CREB5: variants seen among roughly 807,000 people sequenced by gnomAD.
CREB5 encodes the protein cyclic AMP-responsive element-binding protein 5.
In CREB5, 19 loss-of-function variants were observed where a neutral mutation model predicts 57.1. The ratio of observed to expected loss-of-function variants is 0.33; its 90% CI spans 0.23 to 0.49. The LOEUF is 0.49. Ranked by LOEUF, CREB5 falls within the 20% of genes least tolerant of loss-of-function variation. The probability of loss-of-function intolerance (pLI) is 0.99; values close to 1 mark genes in which losing one functional copy is unlikely to be tolerated. For synonymous variants in CREB5, 238 were observed against 238.3 expected (o/e 1.00, Z 0.01); for missense variants, 579 against 671.6 (o/e 0.86, Z 1.52).
At chr7:28,431,847 G>A (rs1788724738) in intron 1 of CREB5, among the ~76,000 whole-genome samples, 1 of 152,136 alleles carries the variant, frequency 6.6e-6, no homozygotes, top group Non-Finnish European at 1.5e-5. Flanking sequence ...TGGACAAGGG[G>A]CAAGTGTGAC....
At chr7:28,550,773 T>C (rs748298519) in intron 4 of CREB5, among the ~76,000 whole-genome samples, 1 of 152,222 alleles carries the variant, frequency 6.6e-6, no homozygotes, top group Non-Finnish European at 1.5e-5. Flanking sequence ...CACTGTAACA[T>C]TGTGGTGAAT....
chr7:28,441,759 T>G (rs1374178250), intron 1 of CREB5, among the ~76,000 whole-genome samples: 1 of 152,210 alleles, frequency 6.6e-6, no homozygotes, highest in Non-Finnish European at 1.5e-5. Flanking sequence ...TTGCTCAAAG[T>G]CTTATAGTTT....
At chr7:28,430,763 A>T (rs547453952) in intron 1 of CREB5, among the ~76,000 whole-genome samples, 1 of 152,328 alleles carries the variant, frequency 6.6e-6, no homozygotes, top group Admixed American at 6.5e-5. Context: ...CATTAGCATC[A>T]TCCCCCTAAC....
At chr7:28,642,464 A>G (rs10228740) in intron 5 of CREB5, among the ~76,000 whole-genome samples, 30,404 of 152,170 alleles carry the variant, frequency 0.2, 3,195 homozygotes, top group Admixed American at 0.25. Context: ...CAACAGAATC[A>G]TGCATTTACC....
chr7:28,670,910 G>T (rs1184830936), intron 5 of CREB5, among the ~76,000 whole-genome samples: 1 of 152,102 alleles, frequency 6.6e-6, no homozygotes, highest in Non-Finnish European at 1.5e-5. Context: ...TGCCTAGGCT[G>T]GTCTCGAACT....
rs1020223318 is a variant in CREB5, at chr7:28,820,419, T to A, written c.*1140T>A. ...CTGCTAATAGCCTAAGATTTATTTT[T>A]TTTTTTTTCTTAAGCCTATGGAACC... On this transcript the variant is annotated 3_prime_UTR_variant, in exon 11 of 11. Transcript: ENST00000357727. 2 of 151,958 alleles carry A rather than the reference T, an allele frequency of 1.3e-5. No individual in the cohort carries two copies. The allele number at this position is 151,958 out of a possible 1,614,324, so 9.4% of individuals were successfully genotyped here.
intron 5 of CREB5, among the ~76,000 whole-genome samples, chr7:28,617,655 G>A (rs934188959): frequency 1.4e-4 from 22 of 152,158 alleles, no homozygotes; most frequent in Admixed American, 4.6e-4. Context: ...AGAAGGTGCT[G>A]TTCTCCTAGC....
intron 7 of CREB5, 61 bp downstream of exon 7, chr7:28,724,393 C>T (rs777190791): frequency 1.4e-6 from 2 of 1,430,886 alleles, no homozygotes; most frequent in Admixed American, 1.8e-5. Context: ...GAATTTTACT[C>T]TGACTCCAAA....
At chr7:28,487,511 T>G (rs2128593640) in intron 1 of CREB5, among the ~76,000 whole-genome samples, 2 of 152,358 alleles carry the variant, frequency 1.3e-5, no homozygotes, top group East Asian at 3.9e-4. Flanking sequence ...ACGTTATGTT[T>G]TTGGCATTTT....
At chr7:28,592,748 C>T (rs898202073) in intron 5 of CREB5, among the ~76,000 whole-genome samples, 6 of 152,152 alleles carry the variant, frequency 3.9e-5, no homozygotes, top group African/African-American at 1.4e-4. Flanking sequence ...AAGTGAGAGG[C>T]TGAGATAACA....
At chr7:28,305,847 A>C (rs764341851) in intron 1 of CREB5, among the ~76,000 whole-genome samples, 11 of 152,282 alleles carry the variant, frequency 7.2e-5, no homozygotes, top group Non-Finnish European at 1.5e-4. Context: ...AGAAGTATAT[A>C]AAGTTTGCCC....
chr7:28,334,469 A>G lies in CREB5; in HGVS notation c.-25+35028A>G, dbSNP rs1278641410. 2.0e-5 allele frequency among the ~76,000 whole-genome samples: 3 copies of G among 152,112 alleles called. No homozygotes were observed. In the East Asian group the frequency reaches 5.8e-4, roughly 29 times the overall value. On this transcript the variant is annotated intron_variant, in intron 1 of 9. Transcript: ENST00000396299. ...ACCATGCCCAGCTAACCACCTTTTT[A>G]TATAGCTGTTTGCCATTTGTATGTC...
intron 5 of CREB5, among the ~76,000 whole-genome samples, chr7:28,700,884 G>A (rs1801819577): frequency 6.6e-6 from 1 of 151,530 alleles, no homozygotes; most frequent in South Asian, 2.1e-4. Flanking sequence ...CCAGCTAGAT[G>A]GTCATTTTCT....
chr7:28,560,995 C>CGTGTGTGTG (rs1562798331), intron 4 of CREB5, among the ~76,000 whole-genome samples: 1 of 27,346 alleles, frequency 3.7e-5, no homozygotes, highest in African/African-American at 1.0e-4. Context: ...CGTGTGTGTG[C>CGTGTGTGTG]CTGCGTGTGC....
intron 5 of CREB5, among the ~76,000 whole-genome samples, chr7:28,589,083 G>C (rs530955030): frequency 2.6e-5 from 4 of 152,278 alleles, no homozygotes; most frequent in African/African-American, 9.6e-5. Context: ...ACATAGAAAA[G>C]CATGAAGAAT....
At chr7:28,366,506 T>C (rs948446896) in intron 1 of CREB5, among the ~76,000 whole-genome samples, 3 of 152,202 alleles carry the variant, frequency 2.0e-5, no homozygotes, top group African/African-American at 7.2e-5. Context: ...TTTTAAAAGA[T>C]GTCAGCTCTG....
At chr7:28,483,280 T>C (rs548831180) in intron 1 of CREB5, among the ~76,000 whole-genome samples, 1 of 152,200 alleles carries the variant, frequency 6.6e-6, no homozygotes, top group Non-Finnish European at 1.5e-5. Flanking sequence ...GATTTCCCAT[T>C]TTAGACCAGG....
chr7:28,555,762 T>C (rs573897594), intron 4 of CREB5, among the ~76,000 whole-genome samples: 2 of 152,304 alleles, frequency 1.3e-5, no homozygotes, highest in South Asian at 4.1e-4. Flanking sequence ...TGTCCAGGAA[T>C]TCACTTACTG....
At chr7:28,800,163 A>G (rs969460678) in intron 7 of CREB5, among the ~76,000 whole-genome samples, 3 of 152,238 alleles carry the variant, frequency 2.0e-5, no homozygotes, top group African/African-American at 4.8e-5. Context: ...TAAAAGAAAT[A>G]TGGTTCTACT....
Sources: gnomAD v4.1 joint callset for allele counts (sites outside exome capture counted in the v4.1 genomes callset) on GRCh38, gnomAD v4.1.1 for gene constraint, MANE v1.5 for transcripts, NCBI Gene and HGNC (gene_info 2026-07-23, HGNC 2026-07-21) for gene names.